Variants in DLGAP2 observed in about 807,000 individuals in gnomAD.
DLGAP2 encodes disks large-associated protein 2.
In DLGAP2, 26 loss-of-function variants were observed where a neutral mutation model predicts 100.3. That is an observed-to-expected ratio of 0.26 (90% CI 0.19 to 0.36). The LOEUF (loss-of-function observed/expected upper bound fraction) is 0.36, where lower values mean the gene tolerates loss of function less well. Ranked by LOEUF, DLGAP2 falls within the 10% of genes least tolerant of loss-of-function variation. The probability of loss-of-function intolerance (pLI) is 1.00; values close to 1 mark genes in which losing one functional copy is unlikely to be tolerated. For missense variants in DLGAP2, 1,858 were observed against 1,453.2 expected (o/e 1.28, Z -4.53); for synonymous variants, 886 against 630.1 (o/e 1.41, Z -6.08).
intron 2 of DLGAP2, among the ~76,000 whole-genome samples, chr8:1,047,014 T>G (rs1353575167): frequency 1.3e-5 from 2 of 152,154 alleles, no homozygotes; most frequent in Non-Finnish European, 2.9e-5. Flanking sequence ...ACCATAAAAT[T>G]TACTCATTTC....
chr8:849,724 T>G (rs536509557), intron 1 of DLGAP2, among the ~76,000 whole-genome samples: 51 of 152,322 alleles, frequency 3.3e-4, no homozygotes, highest in African/African-American at 1.2e-3. Context: ...TTTTATCATG[T>G]GCCTGCTTTC....
intron 1 of DLGAP2, among the ~76,000 whole-genome samples, chr8:838,383 A>G (rs887871139): frequency 2.0e-5 from 3 of 151,822 alleles, no homozygotes; most frequent in East Asian, 3.9e-4. Context: ...TCTTGGCATC[A>G]GTATTTTATT....
At chr8:962,544 T>C (rs1018167645) in intron 2 of DLGAP2, among the ~76,000 whole-genome samples, 3 of 152,076 alleles carry the variant, frequency 2.0e-5, no homozygotes, top group Non-Finnish European at 4.4e-5. Flanking sequence ...ACATGGGCCC[T>C]GGCCTGACCT....
intron 1 of DLGAP2, among the ~76,000 whole-genome samples, chr8:835,787 C>T (rs1796862278): frequency 1.3e-5 from 2 of 152,182 alleles, no homozygotes; most frequent in Admixed American, 1.3e-4. Flanking sequence ...TTCAGGCTTT[C>T]CCTTCTCTGG....
At chr8:1,187,323 C>A (rs1311338284) in intron 2 of DLGAP2, among the ~76,000 whole-genome samples, 4 of 149,882 alleles carry the variant, frequency 2.7e-5, no homozygotes, top group African/African-American at 9.8e-5. Context: ...TGACATTTCC[C>A]TCACACGCCC....
In DLGAP2 at chr8:1,252,347, T is replaced by C. The variant is rs554193556; in HGVS notation, c.74-6504T>C. Reference sequence around the variant, plus strand: ...GTCCTGGGTCACGGTGTCACAGTCATGTCATGTCACACTTGCCACACTGTG... The same window carrying C: ...GTCCTGGGTCACGGTGTCACAGTCACGTCATGTCACACTTGCCACACTGTG... On this transcript the variant is annotated intron_variant, in intron 2 of 14. Transcript: ENST00000637795. Among the ~76,000 whole-genome samples, 130 of 144,220 alleles carry C rather than the reference T, an allele frequency of 9.0e-4. 2 individuals carry two copies. Among genetic ancestry groups the C allele is most frequent in the South Asian group, 4.4e-3 (20 of 4,506 alleles). The allele number at this position is 144,220 out of a possible 152,430, so 94.6% of individuals were successfully genotyped here.
At chr8:929,941 C>T (rs1214465077) in intron 2 of DLGAP2, among the ~76,000 whole-genome samples, 4 of 151,936 alleles carry the variant, frequency 2.6e-5, no homozygotes, top group Non-Finnish European at 4.4e-5. Context: ...TTTTTCACCT[C>T]AGAAATGTGT....
intron 8 of DLGAP2, among the ~76,000 whole-genome samples, chr8:1,638,712 C>T (rs1025272115): frequency 3.9e-5 from 6 of 152,086 alleles, no homozygotes; most frequent in African/African-American, 9.7e-5. Flanking sequence ...CCTGCCCCAG[C>T]CGTGGATGAG....
rs145264429 is a variant in DLGAP2, at chr8:803,754, A to G, written c.18+65929A>G. 3.3e-4 allele frequency among the ~76,000 whole-genome samples: 50 copies of G among 152,344 alleles called. 1 individual carries two copies. The East Asian group carries it at 9.1e-3, about 28-fold the overall frequency. ...TATTTTAGCCAGAGAAACGTGCTGT[A>G]CTTTGAATTTTATATTCCCATTTTG... is the stretch of plus-strand genomic sequence containing the variant. On this transcript the variant is annotated intron_variant, in intron 1 of 14. Coordinates refer to ENST00000637795, the MANE Select transcript of DLGAP2 (RefSeq NM_001346810.2).
At chr8:905,635 GC>G (rs1798363351) in intron 1 of DLGAP2, among the ~76,000 whole-genome samples, 1 of 152,136 alleles carries the variant, frequency 6.6e-6, no homozygotes, top group African/African-American at 2.4e-5. Context: ...CAGGATGTGG[GC>G]CTCCCGTGAG....
At chr8:890,813 A>G (rs1798019677) in intron 1 of DLGAP2, among the ~76,000 whole-genome samples, 2 of 151,676 alleles carry the variant, frequency 1.3e-5, no homozygotes, top group South Asian at 4.2e-4. Context: ...CTCTGTGCCC[A>G]AGCCACCCTG....
chr8:971,448 T>G (rs1283939772), intron 2 of DLGAP2, among the ~76,000 whole-genome samples: 2 of 152,156 alleles, frequency 1.3e-5, no homozygotes, highest in African/African-American at 4.8e-5. Flanking sequence ...AACCAGCAGA[T>G]GGATGCAGGA....
In DLGAP2 at chr8:1,392,186, G is replaced by A. The variant is rs570831232; in HGVS notation, c.107-109180G>A. ...AACAAGACCCCTGAGTTCCAGGCTC[G>A]GGTGCCATTGGAACACCCAGATTAT... is the stretch of plus-strand genomic sequence containing the variant. On this transcript the variant is annotated intron_variant, in intron 3 of 14. Coordinates refer to ENST00000637795, the MANE Select transcript of DLGAP2 (RefSeq NM_001346810.2). Among the ~76,000 whole-genome samples the A allele has an allele frequency of 4.7e-4, 71 of 152,262 alleles. 1 individual carries two copies. Among genetic ancestry groups the A allele is most frequent in the Admixed American group, 4.6e-4 (7 of 15,302 alleles).
chr8:1,377,368 C>A (rs1039662707), intron 3 of DLGAP2, among the ~76,000 whole-genome samples: 1 of 152,168 alleles, frequency 6.6e-6, no homozygotes, highest in African/African-American at 2.4e-5. Flanking sequence ...TATGGTGAAA[C>A]CCCGTCTCTA....
chr8:782,231 A>C (rs1240726091), intron 1 of DLGAP2, among the ~76,000 whole-genome samples: 2 of 141,652 alleles, frequency 1.4e-5, no homozygotes, highest in Non-Finnish European at 3.2e-5. Context: ...GAGCTTTAAA[A>C]AAAATTAAAA....
intron 2 of DLGAP2, among the ~76,000 whole-genome samples, chr8:924,710 G>A (rs922399355): frequency 1.6e-4 from 24 of 152,106 alleles, no homozygotes; most frequent in African/African-American, 5.3e-4. Flanking sequence ...AGCCTCCTGA[G>A]TAGCTGGGAT....
chr8:750,868 C>T (rs1007935877), intron 1 of DLGAP2, among the ~76,000 whole-genome samples: 5 of 152,252 alleles, frequency 3.3e-5, no homozygotes, highest in African/African-American at 9.6e-5. Context: ...AATTTAGTTT[C>T]TGAAAAATGT....
chr8:1,020,582 C>G (rs12545453), intron 2 of DLGAP2, among the ~76,000 whole-genome samples: 2 of 151,980 alleles, frequency 1.3e-5, no homozygotes, highest in Non-Finnish European at 2.9e-5. Flanking sequence ...TGAGAGTGAA[C>G]GCATTGACAG....
At chr8:741,483 G>A (rs1820483719) in intron 1 of DLGAP2, among the ~76,000 whole-genome samples, 1 of 152,194 alleles carries the variant, frequency 6.6e-6, no homozygotes, top group Non-Finnish European at 1.5e-5. Flanking sequence ...TTTAGCTCCA[G>A]GAGAGGGGCC....
Sources: allele counts gnomAD v4.1 joint callset (sites outside exome capture counted in the v4.1 genomes callset), GRCh38; gene constraint gnomAD v4.1.1; transcripts MANE v1.5; gene names NCBI Gene and HGNC (gene_info 2026-07-23, HGNC 2026-07-21).